Variants in RPL26 observed in about 807,000 individuals in gnomAD.
The protein encoded by RPL26 is ribosomal protein L26.
A neutral mutation model predicts 16.2 loss-of-function variants in RPL26; 1 was observed. The observed-to-expected ratio is 0.06, with a 90% CI of 0.02 to 0.29. The LOEUF (loss-of-function observed/expected upper bound fraction) is 0.29, where lower values mean the gene tolerates loss of function less well. RPL26 is among the 10% of genes least tolerant of loss of function. The probability of loss-of-function intolerance (pLI) is 1.00; values close to 1 mark genes in which losing one functional copy is unlikely to be tolerated. For synonymous variants in RPL26, 55 were observed against 62.4 expected (o/e 0.88, Z 0.56); for missense variants, 102 against 184.3 (o/e 0.55, Z 2.58).
At chr17:8,382,677 T>A in intron 1 of RPL26, 1 of 290,136 alleles carries the variant, frequency 3.4e-6, no homozygotes. Flanking sequence ...TTCTCTTAAC[T>A]ATAACCTCAC....
At chr17:8,381,051 C>T in intron 2 of RPL26, 1 of 152,064 alleles carries the variant, frequency 6.6e-6, no homozygotes, top group Non-Finnish European at 1.5e-5. Context: ...TCAGACCCTG[C>T]ACTGATGGAT....
intron 1 of RPL26, chr17:8,382,674 A>C (rs565283211): frequency 2.1e-4 from 62 of 289,994 alleles, no homozygotes; most frequent in African/African-American, 1.3e-3. Context: ...CAATTCTCTT[A>C]ACTATAACCT....
chr17:8,382,773 A>G, intron 1 of RPL26: 1 of 353,450 alleles, frequency 2.8e-6, no homozygotes, highest in East Asian at 4.2e-5. Flanking sequence ...AGGCCCACCA[A>G]CCCGAACCTG....
At chr17:8,381,999 G>GT (rs1201015632) in intron 2 of RPL26, 144 bp downstream of exon 2, 4 of 643,516 alleles carry the variant, frequency 6.2e-6, no homozygotes, top group South Asian at 5.3e-5. Flanking sequence ...CTTACTTACT[G>GT]TTTTTTGGTC....
Position 8,377,659 on chromosome 17 carries a change from G to C in RPL26, c.343C>G (p.Arg115Gly). 6.2e-7 allele frequency: 1 copy of C among 1,611,422 alleles called. No homozygotes were observed. Among genetic ancestry groups the C allele is most frequent in the Non-Finnish European group, 8.5e-7 (1 of 1,179,190 alleles). Residue 115 changes from arginine (R) to glycine (G), a missense_variant, in exon 4 of 4, where the codon CGC becomes GGC. Physicochemically the swap from Arg to Gly is moderately radical, Grantham distance 125 (BLOSUM62 -2). Transcript: ENST00000648839. ...VITRLKLDKD[R>G]KKILERKAKS... ...GCTTTCCGTTCGAGGATCTTTTTGC[G>C]GTCTTTGTCCAGTTTTAGCCTAGTG...
chr17:8,382,386 G>T, intron 1 of RPL26, 71 bp from the exon 2 acceptor site: 2 of 1,106,620 alleles, frequency 1.8e-6, no homozygotes, highest in Non-Finnish European at 2.7e-6. Context: ...TAACCGCAAT[G>T]ATTTTATCTT....
chr17:8,377,681 A>G lies in RPL26; in HGVS notation c.321T>C (p.Thr107=). 3 of 1,606,722 alleles carry G rather than the reference A, an allele frequency of 1.9e-6. No homozygotes were observed. The highest frequency in any genetic ancestry group is 1.7e-6 in the Non-Finnish European group (2 of 1,177,050). Residue 107 remains threonine, a synonymous_variant, in exon 4 of 4, where the codon ACT becomes ACC. Coordinates refer to ENST00000648839, the MANE Select transcript of RPL26 (RefSeq NM_000987.5). ...VGIHPSKVVI[T]RLKLDKDRKK... Reference sequence around the variant, plus strand: ...TGCGGTCTTTGTCCAGTTTTAGCCTAGTGATAACCACCTGCAGAAAAATAA... The same window carrying G: ...TGCGGTCTTTGTCCAGTTTTAGCCTGGTGATAACCACCTGCAGAAAAATAA...
chr17:8,377,522 CTT>C lies in RPL26; in HGVS notation c.*40_*41del, dbSNP rs781569196. 7 of 1,527,600 alleles carry C rather than the reference CTT, an allele frequency of 4.6e-6. No individual in the cohort carries two copies. The East Asian group carries it at 9.1e-5, about 20-fold the overall frequency. 94.6% of individuals were successfully genotyped at this position (1,527,600 alleles called of 1,614,324 possible). On this transcript the variant is annotated 3_prime_UTR_variant, in exon 4 of 4. Coordinates refer to ENST00000648839, the MANE Select transcript of RPL26 (RefSeq NM_000987.5). ...AATCACCACACACAAAACACAGGCT[CTT>C]TGTTTCAAGTTTTAATCAAAGCTTG...
intron 1 of RPL26, 91 bp from the exon 2 acceptor site, chr17:8,382,406 G>A (rs891172579): frequency 3.2e-6 from 3 of 933,164 alleles, no homozygotes; most frequent in Admixed American, 4.6e-5. Flanking sequence ...TGATAGTCTA[G>A]AATGATCATA....
chr17:8,378,518 CAG>C (rs1390407210), intron 3 of RPL26, among the ~76,000 whole-genome samples: 1 of 144,720 alleles, frequency 6.9e-6, no homozygotes, highest in Non-Finnish European at 1.6e-5. Context: ...CACCCCCAAA[CAG>C]AAAAATAATA....
Position 8,381,598 on chromosome 17 carries a change from T to C in RPL26, c.168+545A>G, listed in dbSNP as rs1024875094. 1.3e-5 allele frequency among the ~76,000 whole-genome samples: 2 copies of C among 152,236 alleles called. 1 individual carries two copies. The highest frequency in any genetic ancestry group is 6.8e-3 in the Middle Eastern group (2 of 294). The stretch of plus-strand genomic sequence containing the variant: ...GCATCACTTGAGCCCACAAGAGCCA[T>C]GACCACGCAACTGCACTCCAGTCTG... On this transcript the variant is annotated intron_variant, in intron 2 of 3. Transcript: ENST00000648839.
In RPL26 at chr17:8,379,895, T is replaced by C. The variant is rs1907333431; in HGVS notation, c.210A>G (p.Val70=). The C allele has an allele frequency of 1.9e-6, 3 of 1,613,612 alleles. No individual in the cohort carries two copies. The African/African-American group carries it at 4.0e-5, about 22-fold the overall frequency. ...CATATTTCTTCCTGTAAACCTGGAC[T>C]ACTTTGCCAATTTGCTGACCTTTAT... ...GHYKGQQIGK[V]VQVYRKKYVI... The change falls in exon 3 of 4, where the codon GTA becomes GTG. Residue 70 remains valine (V), a synonymous_variant. Transcript: ENST00000648839.
intron 2 of RPL26, 160 bp downstream of exon 2, chr17:8,381,983 A>C (rs1907437624): frequency 3.2e-6 from 2 of 619,356 alleles, no homozygotes; most frequent in Non-Finnish European, 5.6e-6. Flanking sequence ...AAAAACTGAA[A>C]AGCAGCTTAC....
chr17:8,382,595 C>T, intron 1 of RPL26: 1 of 386,166 alleles, frequency 2.6e-6, no homozygotes, highest in Non-Finnish European at 4.7e-6. Context: ...TTACACTCTC[C>T]CAACTCCTCA....
chr17:8,377,803 A>G (rs1597493239), intron 3 of RPL26, 111 bp from the exon 4 acceptor site: 6 of 914,276 alleles, frequency 6.6e-6, no homozygotes, highest in Admixed American at 3.1e-5. Flanking sequence ...TGGATGCCTA[A>G]TAAGAAAAGA....
chr17:8,381,605 G>C (rs980398714), intron 2 of RPL26, among the ~76,000 whole-genome samples: 8 of 152,100 alleles, frequency 5.3e-5, no homozygotes, highest in Admixed American at 2.6e-4. Context: ...CCATGACCAC[G>C]CAACTGCACT....
intron 3 of RPL26, chr17:8,379,082 T>A (rs1302765251): frequency 6.6e-6 from 1 of 152,186 alleles, no homozygotes. Context: ...AGGCCTGGGC[T>A]CTTAGAATTT....
intron 2 of RPL26, among the ~76,000 whole-genome samples, chr17:8,380,867 G>A (rs1907377143): frequency 6.6e-6 from 1 of 152,208 alleles, no homozygotes; most frequent in Non-Finnish European, 1.5e-5. Flanking sequence ...AAACAAAGAT[G>A]CTAACAGTGC....
intron 2 of RPL26, 163 bp downstream of exon 2, chr17:8,381,980 G>T: frequency 2.2e-5 from 12 of 550,820 alleles, no homozygotes; most frequent in East Asian, 7.1e-5. Context: ...ATTAAAAACT[G>T]AAAAGCAGCT....
Sources: gnomAD v4.1 joint callset for allele counts (sites outside exome capture counted in the v4.1 genomes callset) on GRCh38, gnomAD v4.1.1 for gene constraint, MANE v1.5 for transcripts, NCBI Gene and HGNC (gene_info 2026-07-23, HGNC 2026-07-21) for gene names.